Variants in GSE1 observed in about 807,000 individuals in gnomAD.
GSE1 encodes the protein Gse1 coiled-coil protein, also known as genetic suppressor element 1.
In GSE1, 32 loss-of-function variants were observed where a neutral mutation model predicts 112.6. That is an observed-to-expected ratio of 0.28 (90% confidence interval 0.21 to 0.38). GSE1 has a LOEUF of 0.38. Ranked by LOEUF, GSE1 falls within the 10% of genes least tolerant of loss-of-function variation. GSE1 has a pLI of 1.00. For missense variants in GSE1, 2,348 were observed against 1,699.2 expected, an observed-to-expected ratio of 1.38 and a Z score of -6.71; for synonymous variants, 1,115 against 735.6, an observed-to-expected ratio of 1.52 and a Z score of -8.35.
At chr16:85,410,231 GC>G (rs763879733) in intron 2 of GSE1, among the ~76,000 whole-genome samples, 2 of 8,326 alleles carry the variant, frequency 2.4e-4, no homozygotes, top group Non-Finnish European at 2.2e-4. Context: ...TACACTCAGG[GC>G]CCCCTGGATA....
At chr16:85,431,546 T>G (rs2049121399) in intron 2 of GSE1, among the ~76,000 whole-genome samples, 1 of 152,214 alleles carries the variant, frequency 6.6e-6, no homozygotes, top group Non-Finnish European at 1.5e-5. Flanking sequence ...TCTGATCCTT[T>G]GAGCATCAGG....
At chr16:85,400,628 T>C (rs2048083087) in intron 2 of GSE1, among the ~76,000 whole-genome samples, 1 of 27,988 alleles carries the variant, frequency 3.6e-5, no homozygotes, top group Non-Finnish European at 3.2e-3. Flanking sequence ...TGTCTCTGTG[T>C]GTCTGTGTGT....
intron 2 of GSE1, among the ~76,000 whole-genome samples, chr16:85,409,724 A>T (rs1269024776): frequency 4.7e-4 from 2 of 4,216 alleles, no homozygotes; most frequent in Admixed American, 4.9e-3. Flanking sequence ...GATAATCCTC[A>T]CTGTTACTCT....
chr16:85,526,205 C>T (rs1290421451), intron 2 of GSE1, among the ~76,000 whole-genome samples: 2 of 152,264 alleles, frequency 1.3e-5, no homozygotes, highest in African/African-American at 4.8e-5. Flanking sequence ...TGAGCACCTA[C>T]TGTGTGCCAG....
At chr16:85,266,286 A>T (rs187489634) in intron 1 of GSE1, among the ~76,000 whole-genome samples, 75 of 152,260 alleles carry the variant, frequency 4.9e-4, no homozygotes, top group African/African-American at 1.4e-3. Flanking sequence ...TCTAGCAATG[A>T]GCGAGCTTGA....
chr16:85,606,917 C>T (rs939805939), upstream of GSE1, among the ~76,000 whole-genome samples: 4 of 152,308 alleles, frequency 2.6e-5, no homozygotes, highest in South Asian at 2.1e-4. Flanking sequence ...TCCCCTGCCT[C>T]GGCCTGGCCC....
chr16:85,481,854 A>G (rs1363697831), intron 2 of GSE1, among the ~76,000 whole-genome samples: 3 of 152,202 alleles, frequency 2.0e-5, no homozygotes, highest in Non-Finnish European at 4.4e-5. Context: ...TGATGTACCT[A>G]AAAGGTCACA....
chr16:85,255,967 C>T (rs1220484694), intron 1 of GSE1, among the ~76,000 whole-genome samples: 3 of 152,180 alleles, frequency 2.0e-5, no homozygotes, highest in South Asian at 2.1e-4. Context: ...GGAATACAGG[C>T]GTGAGCCACC....
At chr16:85,567,691 G>T in intron 1 of GSE1, among the ~76,000 whole-genome samples, 1 of 152,348 alleles carries the variant, frequency 6.6e-6, no homozygotes, top group African/African-American at 2.4e-5. Context: ...GGACAAGCCT[G>T]CCCATTTTCA....
At chr16:85,528,178 C>T (rs758795397) in intron 2 of GSE1, among the ~76,000 whole-genome samples, 3 of 152,200 alleles carry the variant, frequency 2.0e-5, no homozygotes, top group South Asian at 2.1e-4. Context: ...CCCCGTGAAG[C>T]GTGCAGTGCA....
chr16:85,389,147 A>T (rs73259305), intron 2 of GSE1, among the ~76,000 whole-genome samples: 7,428 of 152,260 alleles, frequency 0.049, 594 homozygotes, highest in African/African-American at 0.17. Context: ...AGGCATTCTG[A>T]TAGAGCAGAA....
chr16:85,377,178 G>T (rs1039443397), intron 2 of GSE1, among the ~76,000 whole-genome samples: 1 of 152,228 alleles, frequency 6.6e-6, no homozygotes, highest in Non-Finnish European at 1.5e-5. Flanking sequence ...TTTGGGGGCT[G>T]CAGGAAGCCG....
intron 1 of GSE1, among the ~76,000 whole-genome samples, chr16:85,246,037 GCA>G (rs1905629828): frequency 6.6e-6 from 1 of 151,606 alleles, no homozygotes; most frequent in Admixed American, 6.6e-5. Context: ...GGGGTTGTCT[GCA>G]TGTGTTAGTG....
At chr16:85,489,443 G>A (rs528103041) in intron 2 of GSE1, among the ~76,000 whole-genome samples, 43 of 152,146 alleles carry the variant, frequency 2.8e-4, no homozygotes, top group Middle Eastern at 3.4e-3. Context: ...TCTCAGAACC[G>A]CTGCAGAAGC....
chr16:85,350,117 T>C lies in GSE1; in HGVS notation c.2284-7346T>C, dbSNP rs147705160. On this transcript the variant is annotated intron_variant, in intron 1 of 2. Transcript: ENST00000637419. ...CTGGGATGATTAAATGGGCTGCCGATGGCAGGTGCTCAGCTGGCACCTGGC... is the reference window on the plus strand; with the variant it reads ...CTGGGATGATTAAATGGGCTGCCGACGGCAGGTGCTCAGCTGGCACCTGGC... Among the ~76,000 whole-genome samples the C allele has an allele frequency of 5.3e-4, 81 of 152,296 alleles. No individual in the cohort carries two copies. In the East Asian group the frequency reaches 0.015, roughly 28 times the overall value.
At chr16:85,474,297 T>A (rs1470623819) in intron 2 of GSE1, among the ~76,000 whole-genome samples, 1 of 152,070 alleles carries the variant, frequency 6.6e-6, no homozygotes, top group African/African-American at 2.4e-5. Context: ...CCAATGGGCT[T>A]CTGATTGTCT....
upstream of GSE1, among the ~76,000 whole-genome samples, chr16:85,554,492 T>C (rs1346449882): frequency 6.6e-6 from 1 of 152,152 alleles, no homozygotes; most frequent in Non-Finnish European, 1.5e-5. Flanking sequence ...GATCTGATAA[T>C]GCACCAGTGC....
intron 1 of GSE1, among the ~76,000 whole-genome samples, chr16:85,248,135 A>G (rs1049411896): frequency 2.0e-5 from 3 of 152,004 alleles, no homozygotes; most frequent in Non-Finnish European, 2.9e-5. Flanking sequence ...GATGGGCAGG[A>G]CCCTGCTGCT....
intron 2 of GSE1, among the ~76,000 whole-genome samples, chr16:85,473,042 C>A (rs1329943574): frequency 6.6e-6 from 1 of 152,242 alleles, no homozygotes; most frequent in East Asian, 1.9e-4. Context: ...GGAGGTGCGC[C>A]CGGCACCAAG....
Sources: allele counts gnomAD v4.1 joint callset (sites outside exome capture counted in the v4.1 genomes callset), GRCh38; gene constraint gnomAD v4.1.1; transcripts MANE v1.5; gene names NCBI Gene and HGNC (gene_info 2026-07-23, HGNC 2026-07-21).